GALNT9: variants seen among roughly 807,000 people sequenced by gnomAD.
The protein encoded by GALNT9 is polypeptide N-acetylgalactosaminyltransferase 9.
GALNT9 carries 47 observed loss-of-function variants against 63.1 expected under a neutral mutation model. That is an observed-to-expected ratio of 0.75 (90% confidence interval 0.59 to 0.95). The LOEUF is 0.95. GALNT9 is among the 40% of genes least tolerant of loss of function. The probability of loss-of-function intolerance (pLI) is 0.00; values close to 1 mark genes in which losing one functional copy is unlikely to be tolerated. For missense variants in GALNT9, 829 were observed against 874.8 expected, an observed-to-expected ratio of 0.95 and a Z score of 0.66; for synonymous variants, 396 against 365.7, an observed-to-expected ratio of 1.08 and a Z score of -0.94.
intron 6 of GALNT9, among the ~76,000 whole-genome samples, chr12:132,211,589 T>A (rs6598208): frequency 0.77 from 117,570 of 151,862 alleles, 45,806 homozygotes; most frequent in East Asian, 1. Context: ...CCGTCCACCC[T>A]CTCTCGTCCA....
intron 1 of GALNT9, among the ~76,000 whole-genome samples, chr12:132,313,837 TCCATCCACATATCTACCCATCC>T (rs1881918502): frequency 2.7e-5 from 1 of 37,494 alleles, no homozygotes. Context: ...CACCCACCCA[TCCATCCACATATCTACCCATCC>T]ACCCACCCAC....
chr12:132,218,807 C>T (rs116447029), intron 6 of GALNT9, among the ~76,000 whole-genome samples: 6,011 of 152,356 alleles, frequency 0.039, 148 homozygotes, highest in Middle Eastern at 0.082. Context: ...ACAGCATTCC[C>T]ACCCCAGGGC....
chr12:132,276,854 T>A (rs924829622), intron 2 of GALNT9, among the ~76,000 whole-genome samples: 2 of 151,694 alleles, frequency 1.3e-5, no homozygotes, highest in African/African-American at 4.8e-5. Context: ...TGGTGAGGAG[T>A]TGGGTTTGAA....
intron 1 of GALNT9, among the ~76,000 whole-genome samples, chr12:132,304,903 G>A (rs374709523): frequency 2.2e-3 from 41 of 18,226 alleles, no homozygotes; most frequent in East Asian, 0.042. Flanking sequence ...ACCCTCGCCC[G>A]GACACGCCCT....
chr12:132,320,786 G>A (rs757190639), intron 1 of GALNT9, among the ~76,000 whole-genome samples: 93 of 152,264 alleles, frequency 6.1e-4, no homozygotes, highest in Admixed American at 2.5e-3. Context: ...TCTCAGAGGC[G>A]AGGGGAGGTG....
Position 132,261,074 on chromosome 12 carries a change from C to G in GALNT9, c.635G>C (p.Gly212Ala). Reference protein sequence around the residue: ...LDQYVNKRYPGLVKIVRNSRR... With the variant: ...LDQYVNKRYPALVKIVRNSRR... ...GCTGTTGCGGACAATCTTCACGAGG[C>G]CTGGGTACCGCTTGTTGACGTACTG... is the stretch of plus-strand genomic sequence containing the variant. The change falls in exon 4 of 11, where the codon GGC (glycine) becomes GCC (alanine). Residue 212 changes from glycine (G) to alanine (A), a missense_variant. Gly to Ala is a moderately conservative substitution (Grantham distance 60). Coordinates refer to ENST00000328957, the MANE Select transcript of GALNT9 (RefSeq NM_001122636.2). 6.4e-7 allele frequency: 1 copy of G among 1,551,622 alleles called. No homozygotes were observed.
Position 132,265,780 on chromosome 12 carries a change from C to T in GALNT9, c.420-3155G>A, listed in dbSNP as rs1049819818. The stretch of plus-strand genomic sequence containing the variant: ...GCCACACATTCCTGCCTCGGAGGGG[C>T]CAGGGGCTTCTCCAGGACACTGTAC... On this transcript the variant is annotated intron_variant, in intron 2 of 10. Transcript: ENST00000328957. The surrounding 1 kb of genome is among the most constrained non-coding windows in gnomAD (Gnocchi z 5.3). Among the ~76,000 whole-genome samples, 6 of 152,230 alleles carry T rather than the reference C, an allele frequency of 3.9e-5. No homozygotes were observed. The highest frequency in any genetic ancestry group is 6.5e-5 in the Admixed American group (1 of 15,292).
At position 132,262,490 on chromosome 12, in the gene GALNT9, C is replaced by T; in HGVS notation, c.555G>A (p.Glu185=). The T allele has an allele frequency of 1.3e-6, 2 of 1,551,118 alleles. No individual in the cohort carries two copies. The highest frequency in any genetic ancestry group is 1.7e-6 in the Non-Finnish European group (2 of 1,146,786). The change falls in exon 3 of 11, where the codon GAG becomes GAA. Residue 185 remains glutamate, a synonymous_variant. Coordinates refer to ENST00000328957, the MANE Select transcript of GALNT9 (RefSeq NM_001122636.2). The stretch of plus-strand genomic sequence containing the variant: ...CACTGTTGTCGTCCACCAGGATGAC[C>T]TCCTTGAGGAGCTGGGAGGGCGTGT... ...VNHTPSQLLK[E]VILVDDNSDN... is the part of the protein sequence containing the mutation.
At chr12:132,291,032 C>T (rs1262988138) in intron 1 of GALNT9, among the ~76,000 whole-genome samples, 31 of 79,256 alleles carry the variant, frequency 3.9e-4, no homozygotes, top group East Asian at 1.6e-3. Flanking sequence ...ACATCCACAG[C>T]GCCCACGTCC....
Position 132,310,822 on chromosome 12 carries a change from G to A in GALNT9, c.238+18144C>T, listed in dbSNP as rs1351363168. Among the ~76,000 whole-genome samples the A allele has an allele frequency of 7.9e-5, 12 of 152,194 alleles. No homozygotes were observed. Among genetic ancestry groups the A allele is most frequent in the Non-Finnish European group, 1.5e-5 (1 of 68,030 alleles). ...ACGCAAAGAGGAACTAGGTGTGGCT[G>A]TGGCCTGAGGGAGGTGATCCCCAAA... is the stretch of plus-strand genomic sequence containing the variant. On this transcript the variant is annotated intron_variant, in intron 1 of 10. Transcript: ENST00000328957. This position sits in a 1 kb window ranked among gnomAD's most constrained non-coding sequence, Gnocchi z 4.8.
At chr12:132,213,611 A>G (rs766202768) in intron 6 of GALNT9, among the ~76,000 whole-genome samples, 1 of 152,020 alleles carries the variant, frequency 6.6e-6, no homozygotes, top group Admixed American at 6.5e-5. Flanking sequence ...ACTCACACAC[A>G]TGTGCACTCA....
At chr12:132,291,677 TGCCCACATCCACAGC>T (rs1482734557) in intron 1 of GALNT9, among the ~76,000 whole-genome samples, 3 of 80,056 alleles carry the variant, frequency 3.7e-5, no homozygotes, top group South Asian at 3.7e-4. Flanking sequence ...ACATCCACGG[TGCCCACATCCACAGC>T]GCCCACATCC....
chr12:132,208,270 C>CT (rs1193777270), intron 6 of GALNT9, among the ~76,000 whole-genome samples: 2 of 152,196 alleles, frequency 1.3e-5, no homozygotes, highest in African/African-American at 2.4e-5. Flanking sequence ...CTCAGGGGCT[C>CT]TCAAGAGGCA....
chr12:132,203,563 T>A lies in GALNT9; in HGVS notation c.1205A>T (p.Glu402Val). 1 of 1,613,956 alleles carries A rather than the reference T, an allele frequency of 6.2e-7. No individual in the cohort carries two copies. Among genetic ancestry groups the A allele is most frequent in the Non-Finnish European group, 8.5e-7 (1 of 1,179,860 alleles). Reference sequence around the variant, plus strand: ...GGACTTGAAGTCATCCATCCACACCTCGGCGGCGCGCAGGGCGTTGCGCTT... The same window carrying A: ...GGACTTGAAGTCATCCATCCACACCACGGCGGCGCGCAGGGCGTTGCGCTT... ...YAKRNALRAA[E>V]VWMDDFKSHV... The change falls in exon 7 of 11, where the codon GAG becomes GTG. Residue 402 changes from glutamate to valine, a missense_variant. Glu to Val is a moderately radical substitution (Grantham distance 121, BLOSUM62 -2). Coordinates refer to ENST00000328957, the MANE Select transcript of GALNT9 (RefSeq NM_001122636.2).
chr12:132,311,839 G>T (rs1555245230), intron 1 of GALNT9, among the ~76,000 whole-genome samples: 1 of 152,248 alleles, frequency 6.6e-6, no homozygotes, highest in East Asian at 1.9e-4. Flanking sequence ...GGGTGGAGGG[G>T]AGTGTGGAAG....
chr12:132,313,963 C>T (rs1555245483), intron 1 of GALNT9, among the ~76,000 whole-genome samples: 3 of 120,378 alleles, frequency 2.5e-5, no homozygotes, highest in African/African-American at 6.5e-5. Context: ...TCCATCCACC[C>T]ATCCATCCAC....
rs141752567 is a variant in GALNT9, at chr12:132,286,214, C to A, written c.419+36G>T. 2 of 1,523,034 alleles carry A rather than the reference C, an allele frequency of 1.3e-6. No individual in the cohort carries two copies. The highest frequency in any genetic ancestry group is 1.8e-6 in the Non-Finnish European group (2 of 1,130,672). The allele number at this position is 1,523,034 out of a possible 1,614,324, so 94.3% of individuals were successfully genotyped here. A position where few individuals can be genotyped will look rare whatever the true frequency, so the allele number is the denominator to read the frequency against. On this transcript the variant is annotated intron_variant, in intron 2 of 10. Transcript: ENST00000328957. This position sits in a 1 kb window ranked among gnomAD's most constrained non-coding sequence, Gnocchi z 7.4. ...GTGTGGGGGGCGGTCACTTCCTCGGCGGGCGTCGGGGGATGGGGGGCAGTC... is the reference window on the plus strand; with the variant it reads ...GTGTGGGGGGCGGTCACTTCCTCGGAGGGCGTCGGGGGATGGGGGGCAGTC...
intron 6 of GALNT9, among the ~76,000 whole-genome samples, chr12:132,220,025 G>A (rs754829299): frequency 6.6e-6 from 1 of 152,030 alleles, no homozygotes; most frequent in Non-Finnish European, 1.5e-5. Flanking sequence ...AGGAGGAGAC[G>A]CTCTGAAACT....
At chr12:132,227,149 T>C (rs1412653936) in intron 6 of GALNT9, among the ~76,000 whole-genome samples, 64 of 152,274 alleles carry the variant, frequency 4.2e-4, no homozygotes, top group Non-Finnish European at 4.4e-5. Flanking sequence ...ATTTCGCTTC[T>C]AGAAATTCAG....
Sources: allele counts gnomAD v4.1 joint callset (sites outside exome capture counted in the v4.1 genomes callset), GRCh38; gene constraint gnomAD v4.1.1; non-coding constraint Gnocchi (gnomAD v3.1); transcripts MANE v1.5; gene names NCBI Gene and HGNC (gene_info 2026-07-23, HGNC 2026-07-21).